TTC28: variants seen among roughly 807,000 people sequenced by gnomAD.
TTC28 encodes tetratricopeptide repeat protein 28.
Under a neutral mutation model 198.0 loss-of-function variants are expected in TTC28, and 61 were observed. The ratio of observed to expected loss-of-function variants is 0.31; its 90% CI spans 0.25 to 0.38. The LOEUF is 0.38. TTC28 is among the 10% of genes least tolerant of loss of function. TTC28 has a pLI of 1.00. For missense variants in TTC28, 2,678 were observed against 3,164.0 expected, an observed-to-expected ratio of 0.85 and a Z score of 3.69; for synonymous variants, 1,171 against 1,297.8, an observed-to-expected ratio of 0.90 and a Z score of 2.10.
intron 2 of TTC28, among the ~76,000 whole-genome samples, chr22:28,567,467 T>TATAC (rs1315115259): frequency 1.2e-5 from 1 of 86,152 alleles, no homozygotes; most frequent in African/African-American, 4.9e-5. Flanking sequence ...ACCACACGCA[T>TATAC]ATACATACAT....
intron 1 of TTC28, among the ~76,000 whole-genome samples, chr22:28,647,740 G>A (rs2051493040): frequency 6.6e-6 from 1 of 151,890 alleles, no homozygotes; most frequent in Admixed American, 6.6e-5. Flanking sequence ...TCGGGAGGCT[G>A]AGGCAAGAGA....
At chr22:28,306,988 A>T (rs1219059878) in intron 2 of TTC28, among the ~76,000 whole-genome samples, 1 of 152,206 alleles carries the variant, frequency 6.6e-6, no homozygotes, top group Non-Finnish European at 1.5e-5. Flanking sequence ...GGACTTGAAG[A>T]TCTCTTTATA....
At chr22:28,369,073 T>C (rs927406315) in intron 2 of TTC28, among the ~76,000 whole-genome samples, 4 of 151,566 alleles carry the variant, frequency 2.6e-5, no homozygotes, top group African/African-American at 9.7e-5. Context: ...TTCACAGAAG[T>C]AGAAAAACAA....
chr22:28,620,534 G>T (rs1347831455), intron 2 of TTC28, among the ~76,000 whole-genome samples: 1 of 152,162 alleles, frequency 6.6e-6, no homozygotes, highest in Non-Finnish European at 1.5e-5. Context: ...AAACAAGTGG[G>T]ATAGAGATCC....
chr22:28,562,828 G>C (rs951254112), intron 2 of TTC28, among the ~76,000 whole-genome samples: 2 of 152,154 alleles, frequency 1.3e-5, no homozygotes, highest in Non-Finnish European at 2.9e-5. Flanking sequence ...AGTGTTTTAA[G>C]ATAGACAGAA....
chr22:28,511,748 G>A (rs554547954), intron 2 of TTC28, among the ~76,000 whole-genome samples: 80 of 151,990 alleles, frequency 5.3e-4, no homozygotes, highest in Non-Finnish European at 9.7e-4. Context: ...AACTCAGGAG[G>A]TGGAGGTTGC....
chr22:28,478,292 G>A (rs2048192952), intron 2 of TTC28, among the ~76,000 whole-genome samples: 1 of 152,156 alleles, frequency 6.6e-6, no homozygotes, highest in Admixed American at 6.5e-5. Flanking sequence ...CGGATCACCT[G>A]AGGTCAGGTG....
chr22:28,628,280 G>A (rs901132833), intron 2 of TTC28, among the ~76,000 whole-genome samples: 1 of 152,008 alleles, frequency 6.6e-6, no homozygotes, highest in African/African-American at 2.4e-5. Flanking sequence ...GGGATGAAAT[G>A]GTTTTGTGGT....
rs145237996 is a variant in TTC28, at chr22:28,404,458, G to A, written c.382-97815C>T. ...TAAGATATACACACAAAAAGCAAAC[G>A]GTGTTGTTGGTAGATGTGGACCACT... On this transcript the variant is annotated intron_variant, in intron 2 of 22. Transcript: ENST00000397906. Among the ~76,000 whole-genome samples the A allele has an allele frequency of 5.0e-3, 758 of 151,968 alleles. 10 individuals carry two copies. The highest frequency in any genetic ancestry group is 0.017 in the African/African-American group (716 of 41,458).
chr22:28,030,136 C>T (rs1044357632), intron 13 of TTC28, 90 bp downstream of exon 13: 26 of 1,488,474 alleles, frequency 1.7e-5, no homozygotes, highest in Non-Finnish European at 2.2e-5. Context: ...GAAGCCTAAC[C>T]AGCTGGAAGG....
intron 2 of TTC28, among the ~76,000 whole-genome samples, chr22:28,567,017 C>A (rs2049979986): frequency 6.6e-6 from 1 of 152,236 alleles, no homozygotes; most frequent in Non-Finnish European, 1.5e-5. Flanking sequence ...GAGTTCGAGA[C>A]CAGCCTGGTC....
chr22:28,217,237 C>G (rs773481612), intron 5 of TTC28, among the ~76,000 whole-genome samples: 2 of 151,910 alleles, frequency 1.3e-5, no homozygotes, highest in Non-Finnish European at 2.9e-5. Context: ...GCTCATGTAC[C>G]CTATCAATAT....
At chr22:28,167,463 C>T (rs570161199) in intron 5 of TTC28, among the ~76,000 whole-genome samples, 10 of 152,282 alleles carry the variant, frequency 6.6e-5, no homozygotes, top group East Asian at 1.9e-4. Context: ...TATCAAAAAG[C>T]TTATACACCA....
At chr22:28,506,628 G>T (rs1027535606) in intron 2 of TTC28, among the ~76,000 whole-genome samples, 1 of 152,072 alleles carries the variant, frequency 6.6e-6, no homozygotes, top group Non-Finnish European at 1.5e-5. Context: ...CCCAACAGGG[G>T]TCTCCAGTCA....
At chr22:28,584,390 C>G (rs2146068335) in intron 2 of TTC28, among the ~76,000 whole-genome samples, 1 of 152,296 alleles carries the variant, frequency 6.6e-6, no homozygotes, top group African/African-American at 2.4e-5. Context: ...AGCATCACCA[C>G]CTTTACTTCC....
chr22:28,045,726 G>A (rs933874407), intron 12 of TTC28, among the ~76,000 whole-genome samples: 2 of 152,210 alleles, frequency 1.3e-5, no homozygotes, highest in East Asian at 3.8e-4. Context: ...CACTTTGGGA[G>A]GCCAAGGCAG....
intron 1 of TTC28, chr22:28,642,932 G>C (rs2051392839): frequency 6.6e-6 from 1 of 152,322 alleles, no homozygotes; most frequent in African/African-American, 2.4e-5. Context: ...TACCAGATTG[G>C]AGAGTGCAGA....
chr22:28,144,281 C>G (rs894280860), intron 6 of TTC28, among the ~76,000 whole-genome samples: 1 of 152,214 alleles, frequency 6.6e-6, no homozygotes, highest in Non-Finnish European at 1.5e-5. Flanking sequence ...AATACCAAGG[C>G]TCAGGTTTTT....
intron 5 of TTC28, among the ~76,000 whole-genome samples, chr22:28,177,787 T>C (rs1923307058): frequency 6.6e-6 from 1 of 152,210 alleles, no homozygotes; most frequent in Admixed American, 6.5e-5. Flanking sequence ...TTCAACTATA[T>C]TACATTCTGA....
Sources: gnomAD v4.1 joint callset for allele counts (sites outside exome capture counted in the v4.1 genomes callset) on GRCh38, gnomAD v4.1.1 for gene constraint, MANE v1.5 for transcripts, NCBI Gene and HGNC (gene_info 2026-07-23, HGNC 2026-07-21) for gene names.